The following KDM1B variants were observed in gnomAD, a reference collection of about 807,000 sequenced individuals.
The protein encoded by KDM1B is lysine-specific histone demethylase 2.
KDM1B carries 63 observed loss-of-function variants against 107.4 expected under a neutral mutation model. That is an observed-to-expected ratio of 0.59 (90% CI 0.48 to 0.72). The LOEUF is 0.72. Among genes scored for constraint, KDM1B ranks in the 30% least tolerant of loss-of-function variants. KDM1B has a pLI of 0.00. For synonymous variants in KDM1B, 363 were observed against 363.9 expected (o/e 1.00, Z 0.03); for missense variants, 749 against 1,020.8 (o/e 0.73, Z 3.63).
chr6:18,203,442 G>C lies in KDM1B; in HGVS notation c.1531+1785G>C, dbSNP rs1788172254. ...TATCCTGCCTGTTGGTATCTTAGCT[G>C]TCTGAGATCTCATCTTACCAGCACA... is the stretch of plus-strand genomic sequence containing the variant. On this transcript the variant is annotated intron_variant, in intron 14 of 21. Coordinates refer to ENST00000650836, the MANE Select transcript of KDM1B (RefSeq NM_001364614.2). This position sits in a 1 kb window ranked among gnomAD's most constrained non-coding sequence, Gnocchi z 5.5. 6.6e-6 allele frequency among the ~76,000 whole-genome samples: 1 copy of C among 152,164 alleles called. No homozygotes were observed. Among genetic ancestry groups the C allele is most frequent in the African/African-American group, 2.4e-5 (1 of 41,436 alleles).
intron 6 of KDM1B, among the ~76,000 whole-genome samples, chr6:18,170,966 G>T (rs1384263235): frequency 6.6e-6 from 1 of 151,942 alleles, no homozygotes; most frequent in African/African-American, 2.4e-5. Context: ...GACTACAGGC[G>T]CCCGCCACCA....
chr6:18,219,963 G>A (rs1789553411), intron 21 of KDM1B, among the ~76,000 whole-genome samples: 1 of 152,222 alleles, frequency 6.6e-6, no homozygotes, highest in Non-Finnish European at 1.5e-5. Context: ...AGCCGGTCAA[G>A]TGGGGAATGT....
At chr6:18,180,074 G>C (rs1358656441) in intron 7 of KDM1B, among the ~76,000 whole-genome samples, 1 of 148,456 alleles carries the variant, frequency 6.7e-6, no homozygotes, top group African/African-American at 2.5e-5. Context: ...GGGTTTTGCT[G>C]TCTTGCCCAG....
In KDM1B at chr6:18,200,528, G is replaced by C; in HGVS notation, c.1311G>C (p.Gln437His). ...GCGTCACAGTGGGAAGAGGAGCTCA[G>C]ATTGTCAATGGGTGTATTAACAACC... is the stretch of plus-strand genomic sequence containing the variant. ...FKGVTVGRGA[Q>H]IVNGCINNPV... The change falls in exon 13 of 22, where the codon CAG (glutamine) becomes CAC (histidine). Residue 437 changes from glutamine (Q) to histidine (H), a missense_variant. Physicochemically the swap from Gln to His is conservative, Grantham distance 24. Coordinates refer to ENST00000650836, the MANE Select transcript of KDM1B (RefSeq NM_001364614.2). This position sits in a 1 kb window ranked among gnomAD's most constrained non-coding sequence, Gnocchi z 4.3. 6.2e-7 allele frequency: 1 copy of C among 1,614,128 alleles called. No homozygotes were observed. Among genetic ancestry groups the C allele is most frequent in the South Asian group, 1.1e-5 (1 of 91,078 alleles).
Position 18,200,753 on chromosome 6 carries a change from A to G in KDM1B, c.1359+177A>G. On this transcript the variant is annotated intron_variant, in intron 13 of 21. Transcript: ENST00000650836. This position sits in a 1 kb window ranked among gnomAD's most constrained non-coding sequence, Gnocchi z 4.3. ...CTGAGAAGGTAGAACTAGAGGATGT[A>G]AAATACTTTTTTTCCTTTTTCTAAG... Among the ~76,000 whole-genome samples, 1 of 152,194 alleles carries G rather than the reference A, an allele frequency of 6.6e-6. No individual in the cohort carries two copies. The highest frequency in any genetic ancestry group is 1.5e-5 in the Non-Finnish European group (1 of 68,022).
rs1276320093 is a variant in KDM1B, at chr6:18,212,272, T to C, written c.1867-216T>C. On this transcript the variant is annotated intron_variant, in intron 17 of 21. Transcript: ENST00000650836. This position sits in a 1 kb window ranked among gnomAD's most constrained non-coding sequence, Gnocchi z 5.2. ...TGCTGACTCTTCTTATCTAAGATGA[T>C]TATTCACCATCAGGACGTTTTTTGC... 1.8e-6 allele frequency: 1 copy of C among 566,272 alleles called. No homozygotes were observed. Among genetic ancestry groups the C allele is most frequent in the Non-Finnish European group, 3.2e-6 (1 of 313,458 alleles). The allele number at this position is 566,272 out of a possible 1,614,324, so 35.1% of individuals were successfully genotyped here. A position where few individuals can be genotyped will look rare whatever the true frequency, so the allele number is the denominator to read the frequency against.
chr6:18,220,334 A>G (rs537009569), intron 21 of KDM1B, among the ~76,000 whole-genome samples: 306 of 152,286 alleles, frequency 2.0e-3, no homozygotes, highest in African/African-American at 6.6e-3. Flanking sequence ...GTATCACCTG[A>G]GGCCAGGAGT....
At chr6:18,170,164 G>A (rs1785562545) in intron 6 of KDM1B, among the ~76,000 whole-genome samples, 1 of 152,138 alleles carries the variant, frequency 6.6e-6, no homozygotes, top group South Asian at 2.1e-4. Flanking sequence ...ACCTGCCTCA[G>A]CCTCCCAAAG....
In KDM1B at chr6:18,209,524, C is replaced by A. The variant is rs571085919; in HGVS notation, c.1866+1318C>A. Among the ~76,000 whole-genome samples, 2 of 152,202 alleles carry A rather than the reference C, an allele frequency of 1.3e-5. No homozygotes were observed. Among genetic ancestry groups the A allele is most frequent in the African/African-American group, 4.8e-5 (2 of 41,448 alleles). On this transcript the variant is annotated intron_variant, in intron 17 of 21. Coordinates refer to ENST00000650836, the MANE Select transcript of KDM1B (RefSeq NM_001364614.2). The surrounding 1 kb of genome is among the most constrained non-coding windows in gnomAD (Gnocchi z 4.3). ...CTTGGGCAGCAATCCCCGGGCTGCA[C>A]GTCGGAACCACCTGGGAGGCGCTTA...
At chr6:18,184,340 T>C (rs1786691449) in intron 7 of KDM1B, among the ~76,000 whole-genome samples, 1 of 149,452 alleles carries the variant, frequency 6.7e-6, no homozygotes, top group Non-Finnish European at 1.5e-5. Flanking sequence ...AGTGTTGCGA[T>C]CTTGGCTCAC....
Position 18,214,928 on chromosome 6 carries a change from C to G in KDM1B, c.2110-79C>G. The stretch of plus-strand genomic sequence containing the variant: ...CTGTCTCATTTAAAACAAAACAAAA[C>G]AAAAAACAAAAAAAAGAGGCCCTTA... On this transcript the variant is annotated intron_variant, in intron 19 of 21. Coordinates refer to ENST00000650836, the MANE Select transcript of KDM1B (RefSeq NM_001364614.2). The surrounding 1 kb of genome is among the most constrained non-coding windows in gnomAD (Gnocchi z 4.4). 2 of 1,445,794 alleles carry G rather than the reference C, an allele frequency of 1.4e-6. No individual in the cohort carries two copies. The highest frequency in any genetic ancestry group is 1.3e-5 in the South Asian group (1 of 77,524). The allele number at this position is 1,445,794 out of a possible 1,614,324, so 89.6% of individuals were successfully genotyped here.
At chr6:18,170,971 C>T (rs1785619972) in intron 6 of KDM1B, among the ~76,000 whole-genome samples, 1 of 152,098 alleles carries the variant, frequency 6.6e-6, no homozygotes, top group Non-Finnish European at 1.5e-5. Flanking sequence ...CAGGCGCCCG[C>T]CACCACGCCT....
At chr6:18,156,153 C>G (rs755010426) in intron 2 of KDM1B, among the ~76,000 whole-genome samples, 3 of 152,210 alleles carry the variant, frequency 2.0e-5, no homozygotes, top group African/African-American at 4.8e-5. Context: ...TAGTAATTCT[C>G]TGGCACAGCC....
Position 18,223,357 on chromosome 6 carries a change from A to G in KDM1B, c.*1365A>G, listed in dbSNP as rs1249060635. The G allele has an allele frequency of 5.7e-5, 2 of 34,874 alleles. No homozygotes were observed. Among genetic ancestry groups the G allele is most frequent in the Non-Finnish European group, 1.3e-4 (2 of 15,008 alleles). The allele number at this position is 34,874 out of a possible 1,614,324, so 2.2% of individuals were successfully genotyped here. A position where few individuals can be genotyped will look rare whatever the true frequency, so the allele number is the denominator to read the frequency against. On this transcript the variant is annotated 3_prime_UTR_variant, in exon 22 of 22. Coordinates refer to ENST00000650836, the MANE Select transcript of KDM1B (RefSeq NM_001364614.2). ...CACCGCCCGCCCCCCGCCCCCCCCAATCAAAGTGTGGTCCCAAAACAAGCC... is the reference window on the plus strand; with the variant it reads ...CACCGCCCGCCCCCCGCCCCCCCCAGTCAAAGTGTGGTCCCAAAACAAGCC...
At chr6:18,174,242 C>T (rs1785846626) in intron 7 of KDM1B, among the ~76,000 whole-genome samples, 1 of 151,390 alleles carries the variant, frequency 6.6e-6, no homozygotes, top group Admixed American at 6.6e-5. Flanking sequence ...ATTCTTCTAA[C>T]TTTTTTTTTG....
Position 18,213,824 on chromosome 6 carries a change from G to T in KDM1B, c.2109+43G>T, listed in dbSNP as rs376201668. 3.7e-5 allele frequency: 60 copies of T among 1,609,740 alleles called. No homozygotes were observed. The African/African-American group carries it at 7.4e-4, about 20-fold the overall frequency. ...CTGTGGTTTGAATTTCCGTCTTAAA[G>T]TTTAGAATTTGATGTGATAATTACT... On this transcript the variant is annotated intron_variant, in intron 19 of 21. Coordinates refer to ENST00000650836, the MANE Select transcript of KDM1B (RefSeq NM_001364614.2). This position sits in a 1 kb window ranked among gnomAD's most constrained non-coding sequence, Gnocchi z 5.9.
In KDM1B at chr6:18,205,674, G is replaced by T; in HGVS notation, c.1659+10G>T. The T allele has an allele frequency of 6.7e-7, 1 of 1,493,006 alleles. No individual in the cohort carries two copies. Among genetic ancestry groups the T allele is most frequent in the South Asian group, 1.3e-5 (1 of 76,096 alleles). The allele number at this position is 1,493,006 out of a possible 1,614,324, so 92.5% of individuals were successfully genotyped here. A position where few individuals can be genotyped will look rare whatever the true frequency, so the allele number is the denominator to read the frequency against. On this transcript the variant is annotated intron_variant, in intron 15 of 21. Transcript: ENST00000650836. This position sits in a 1 kb window ranked among gnomAD's most constrained non-coding sequence, Gnocchi z 5.7. ...CAGCAACCTTCACCAGGTGCGCTTG[G>T]GTTTTGTGAAAGGTGTGCTTTGAAA... is the stretch of plus-strand genomic sequence containing the variant.
chr6:18,209,496 G>C lies in KDM1B; in HGVS notation c.1866+1290G>C, dbSNP rs534402364. Among the ~76,000 whole-genome samples, 1 of 152,338 alleles carries C rather than the reference G, an allele frequency of 6.6e-6. No individual in the cohort carries two copies. The highest frequency in any genetic ancestry group is 1.9e-4 in the East Asian group (1 of 5,182). The stretch of plus-strand genomic sequence containing the variant: ...TATTCCTGCCATTAACCAACTCGGA[G>C]ATCTTGGGCAGCAATCCCCGGGCTG... On this transcript the variant is annotated intron_variant, in intron 17 of 21. Coordinates refer to ENST00000650836, the MANE Select transcript of KDM1B (RefSeq NM_001364614.2). The surrounding 1 kb of genome is among the most constrained non-coding windows in gnomAD (Gnocchi z 4.3).
intron 14 of KDM1B, among the ~76,000 whole-genome samples, chr6:18,202,831 C>T (rs1788129223): frequency 6.6e-6 from 1 of 152,174 alleles, no homozygotes; most frequent in South Asian, 2.1e-4. Context: ...GAGACCTATG[C>T]TGTAATCGTC....
Sources: gnomAD v4.1 joint callset for allele counts (sites outside exome capture counted in the v4.1 genomes callset) on GRCh38, gnomAD v4.1.1 for gene constraint, Gnocchi (gnomAD v3.1) non-coding constraint, MANE v1.5 for transcripts, NCBI Gene and HGNC (gene_info 2026-07-23, HGNC 2026-07-21) for gene names.